JAM3: variants seen among roughly 807,000 people sequenced by gnomAD.
JAM3 encodes junctional adhesion molecule C.
JAM3 carries 31 observed loss-of-function variants against 39.4 expected under a neutral mutation model. The observed-to-expected ratio is 0.79, with a 90% CI of 0.59 to 1.06. The LOEUF (loss-of-function observed/expected upper bound fraction) is 1.06, where lower values mean the gene tolerates loss of function less well. Among genes scored for constraint, JAM3 ranks in the 50% least tolerant of loss-of-function variants. The pLI is 0.00. For missense variants in JAM3, 455 were observed against 391.4 expected, an observed-to-expected ratio of 1.16 and a Z score of -1.37; for synonymous variants, 182 against 148.7, an observed-to-expected ratio of 1.22 and a Z score of -1.63.
At position 134,148,825 on chromosome 11, in the gene JAM3, AT is replaced by A. The variant is rs758019736; in HGVS notation, c.897+10del. 4.3e-6 allele frequency: 7 copies of A among 1,614,044 alleles called. No homozygotes were observed. The East Asian group carries it at 1.6e-4, about 36-fold the overall frequency. ...CATCCGCACTGACGAGGAGGTAATCATTTAGTAAACCTGGAAACCTAGGTGT... is the reference window on the plus strand; with the variant it reads ...CATCCGCACTGACGAGGAGGTAATCATTAGTAAACCTGGAAACCTAGGTGT... On this transcript the variant is annotated splice_region_variant and intron_variant, in intron 8 of 8. Transcript: ENST00000299106.
intron 2 of JAM3, 49 bp downstream of exon 2, chr11:134,139,965 T>G: frequency 1.4e-6 from 2 of 1,408,254 alleles, no homozygotes; most frequent in Non-Finnish European, 2.0e-6. Flanking sequence ...CTACTGGACA[T>G]TTGATGTCTT....
intron 1 of JAM3, among the ~76,000 whole-genome samples, chr11:134,093,490 T>C (rs1941913943): frequency 1.5e-5 from 2 of 132,546 alleles, no homozygotes; most frequent in African/African-American, 5.9e-5. Context: ...TCATGTTCCA[T>C]CTTACATGTC....
Position 134,141,857 on chromosome 11 carries a change from G to T in JAM3, c.256+1087G>T, listed in dbSNP as rs915742679. On this transcript the variant is annotated intron_variant, in intron 3 of 8. Transcript: ENST00000299106. ...GCAGGAGGTACACATGCAGGCTCGT[G>T]CATGAGTCGGAGCCTGTGGAGTTCT... Among the ~76,000 whole-genome samples, 148 of 152,022 alleles carry T rather than the reference G, an allele frequency of 9.7e-4. 3 individuals carry two copies. The highest frequency in any genetic ancestry group is 2.0e-4 in the Admixed American group (3 of 15,276).
chr11:134,093,040 C>T (rs548106083), intron 1 of JAM3, among the ~76,000 whole-genome samples: 2 of 136,112 alleles, frequency 1.5e-5, no homozygotes, highest in South Asian at 5.1e-4. Flanking sequence ...TTCTCCTGAA[C>T]CCTCCTTATT....
intron 1 of JAM3, among the ~76,000 whole-genome samples, chr11:134,105,874 C>A (rs1167922044): frequency 6.6e-6 from 1 of 152,158 alleles, no homozygotes; most frequent in African/African-American, 2.4e-5. Flanking sequence ...GAAGAACATT[C>A]CATGCTCATG....
intron 1 of JAM3, among the ~76,000 whole-genome samples, chr11:134,108,102 C>G (rs1226729782): frequency 3.3e-5 from 5 of 151,722 alleles, no homozygotes; most frequent in African/African-American, 1.2e-4. Flanking sequence ...TTAACAATGC[C>G]AGGAATAAGA....
intron 1 of JAM3, among the ~76,000 whole-genome samples, chr11:134,127,385 G>A (rs932937853): frequency 1.3e-5 from 2 of 152,224 alleles, no homozygotes; most frequent in Non-Finnish European, 2.9e-5. Context: ...TAATGCCATT[G>A]TAGTGAGTCA....
At chr11:134,121,743 C>T (rs1023258462) in intron 1 of JAM3, among the ~76,000 whole-genome samples, 4 of 151,904 alleles carry the variant, frequency 2.6e-5, no homozygotes, top group Non-Finnish European at 5.9e-5. Flanking sequence ...ACATCCTTCT[C>T]CTCAATACAG....
chr11:134,077,248 T>C (rs556055055), intron 1 of JAM3, among the ~76,000 whole-genome samples: 1 of 152,324 alleles, frequency 6.6e-6, no homozygotes, highest in Non-Finnish European at 1.5e-5. Flanking sequence ...TGTATGTGTG[T>C]TGGCCACATA....
rs1192523710 is a variant in JAM3 at position 134,069,304 on chromosome 11, C to G, written c.76+145C>G. The G allele has an allele frequency of 1.1e-5, 12 of 1,116,584 alleles. No homozygotes were observed. In the South Asian group the frequency reaches 1.5e-4, roughly 14 times the overall value. 69.2% of individuals were successfully genotyped at this position (1,116,584 alleles called of 1,614,324 possible). A position where few individuals can be genotyped will look rare whatever the true frequency, so the allele number is the denominator to read the frequency against. ...GGGGTCCCGGGCCGGAGGGGCGGCG[C>G]GCGCCCGCGTCCCCGCAGCCAGGGC... On this transcript the variant is annotated intron_variant, in intron 1 of 8. Transcript: ENST00000299106.
At chr11:134,074,665 C>A (rs1037519679) in intron 1 of JAM3, among the ~76,000 whole-genome samples, 1 of 152,140 alleles carries the variant, frequency 6.6e-6, no homozygotes, top group Non-Finnish European at 1.5e-5. Flanking sequence ...ACTGACAAAA[C>A]GATCTGAGTA....
chr11:134,078,949 G>T (rs1443937533), intron 1 of JAM3, among the ~76,000 whole-genome samples: 1 of 152,200 alleles, frequency 6.6e-6, no homozygotes, highest in African/African-American at 2.4e-5. Flanking sequence ...TGAGGCAGGA[G>T]AATTGCTTGA....
chr11:134,147,646 TCAGC>T (rs930468563), intron 6 of JAM3, among the ~76,000 whole-genome samples: 4 of 151,488 alleles, frequency 2.6e-5, no homozygotes, highest in Non-Finnish European at 5.9e-5. Flanking sequence ...GCCAACACGC[TCAGC>T]CAATTTTTTG....
At chr11:134,078,676 G>A (rs1941613450) in intron 1 of JAM3, among the ~76,000 whole-genome samples, 1 of 152,170 alleles carries the variant, frequency 6.6e-6, no homozygotes, top group Non-Finnish European at 1.5e-5. Flanking sequence ...CTCTCTTAAT[G>A]GAAGAGTCAC....
intron 1 of JAM3, among the ~76,000 whole-genome samples, chr11:134,089,982 C>T (rs1259685): frequency 0.4 from 60,027 of 151,888 alleles, 12,897 homozygotes; most frequent in African/African-American, 0.58. Flanking sequence ...TGTTTCCTGA[C>T]TTTTTAATGA....
At position 134,125,025 on chromosome 11, in the gene JAM3, G is replaced by A. The variant is rs554207794; in HGVS notation, c.77-14826G>A. 2.0e-5 allele frequency among the ~76,000 whole-genome samples: 3 copies of A among 152,212 alleles called. No individual in the cohort carries two copies. The South Asian group carries it at 6.2e-4, about 31-fold the overall frequency. On this transcript the variant is annotated intron_variant, in intron 1 of 8. Transcript: ENST00000299106. ...AGCCTCAGCGCGCGACACCCGCCCG[G>A]TGGCGGCGGCGCGTCTCCACGAGTC...
chr11:134,124,028 A>G (rs1386756283), intron 1 of JAM3: 1 of 1,447,020 alleles, frequency 6.9e-7, no homozygotes, highest in Non-Finnish European at 9.7e-7. Context: ...CCGCAACACA[A>G]GGCACTGCAA....
chr11:134,143,064 C>T (rs560547949), intron 3 of JAM3, among the ~76,000 whole-genome samples: 3 of 152,338 alleles, frequency 2.0e-5, no homozygotes, highest in Non-Finnish European at 4.4e-5. Context: ...TATTTGTTTA[C>T]AGGTTTTTGT....
At chr11:134,133,954 G>A (rs1942814572) in intron 1 of JAM3, among the ~76,000 whole-genome samples, 1 of 152,100 alleles carries the variant, frequency 6.6e-6, no homozygotes, top group Non-Finnish European at 1.5e-5. Flanking sequence ...ATCAGACTGG[G>A]CATTTAAAAC....
Sources: gnomAD v4.1 joint callset for allele counts (sites outside exome capture counted in the v4.1 genomes callset) on GRCh38, gnomAD v4.1.1 for gene constraint, MANE v1.5 for transcripts, NCBI Gene and HGNC (gene_info 2026-07-23, HGNC 2026-07-21) for gene names.